The following ABCD4 variants were observed in gnomAD, a reference collection of about 807,000 sequenced individuals.
ABCD4 encodes the protein ATP binding cassette subfamily D member 4, also known as lysosomal cobalamin transporter ABCD4.
Under a neutral mutation model 86.3 loss-of-function variants are expected in ABCD4, and 53 were observed. That is an observed-to-expected ratio of 0.61 (90% confidence interval 0.49 to 0.77). The LOEUF (loss-of-function observed/expected upper bound fraction) is 0.77, where lower values mean the gene tolerates loss of function less well. Ranked by LOEUF, ABCD4 falls within the 30% of genes least tolerant of loss-of-function variation. ABCD4 has a pLI of 0.00. For synonymous variants in ABCD4, 328 were observed against 313.6 expected (o/e 1.05, Z -0.49); for missense variants, 757 against 764.5 (o/e 0.99, Z 0.12).
intron 11 of ABCD4, 24 bp downstream of exon 11, chr14:74,292,263 C>T: frequency 1.2e-6 from 2 of 1,612,278 alleles, no homozygotes; most frequent in Non-Finnish European, 1.7e-6. Flanking sequence ...GCCTCAACTA[C>T]TGCTCTGCCA....
intron 14 of ABCD4, 176 bp downstream of exon 14, chr14:74,289,307 G>A (rs917944667): frequency 3.6e-6 from 5 of 1,406,710 alleles, no homozygotes; most frequent in African/African-American, 2.9e-5. Context: ...AAAGAATGAG[G>A]TGAGATCTGG....
chr14:74,289,292 G>A, intron 14 of ABCD4, 191 bp downstream of exon 14: 1 of 1,400,156 alleles, frequency 7.1e-7, no homozygotes, highest in African/African-American at 1.5e-5. Flanking sequence ...TCTCCTTAAG[G>A]ACAGAAAGAA....
Position 74,285,635 on chromosome 14 carries a change from G to T in ABCD4, c.*826C>A, listed in dbSNP as rs1456996902. On this transcript the variant is annotated 3_prime_UTR_variant, in exon 19 of 19. Coordinates refer to ENST00000356924, the MANE Select transcript of ABCD4 (RefSeq NM_005050.4). Reference sequence around the variant, plus strand: ...GGCACTGGTCTGAGTGAGGACTTTGGGCACAGTAACTCCACCTCATGCTTT... The same window carrying T: ...GGCACTGGTCTGAGTGAGGACTTTGTGCACAGTAACTCCACCTCATGCTTT... 6.6e-6 allele frequency: 1 copy of T among 152,122 alleles called. No homozygotes were observed. Among genetic ancestry groups the T allele is most frequent in the Non-Finnish European group, 1.5e-5 (1 of 68,014 alleles). The allele number at this position is 152,122 out of a possible 1,614,324, so 9.4% of individuals were successfully genotyped here. A position where few individuals can be genotyped will look rare whatever the true frequency, so the allele number is the denominator to read the frequency against.
chr14:74,287,659 T>C (rs893770441), intron 17 of ABCD4, 151 bp downstream of exon 17: 2 of 705,588 alleles, frequency 2.8e-6, no homozygotes, highest in Admixed American at 2.2e-5. Flanking sequence ...CCAGGCACTG[T>C]TTACACGGGC....
In ABCD4 at chr14:74,290,350, G is replaced by C; in HGVS notation, c.1268C>G (p.Thr423Arg). 1 of 1,614,156 alleles carries C rather than the reference G, an allele frequency of 6.2e-7. No homozygotes were observed. The change falls in exon 12 of 19, where the codon ACG (threonine) becomes AGG (arginine). Residue 423 changes from threonine to arginine, a missense_variant. Thr to Arg is a moderately conservative substitution (Grantham distance 71, BLOSUM62 -1). Coordinates refer to ENST00000356924, the MANE Select transcript of ABCD4 (RefSeq NM_005050.4). The part of the protein sequence containing the change: ...EGQSLLITGN[T>R]GTGKTSLLRV... ...GAGCAAGGAGGTCTTGCCAGTGCCC[G>C]TGTTGCCTGTGATGAGCAGGCTCTG...
At chr14:74,288,980 C>A in intron 14 of ABCD4, 1 of 897,298 alleles carries the variant, frequency 1.1e-6, no homozygotes, top group African/African-American at 1.7e-5. Flanking sequence ...GGCAAGGTGG[C>A]GTGCACCTGT....
chr14:74,295,053 T>C (rs2082485189), intron 7 of ABCD4, 95 bp downstream of exon 7: 1 of 1,480,924 alleles, frequency 6.8e-7, no homozygotes, highest in African/African-American at 1.4e-5. Context: ...ACTCAGCCCC[T>C]GAGCTCGGTG....
chr14:74,286,533 CA>C lies in ABCD4; in HGVS notation c.1753-5del, dbSNP rs1566907079. The C allele has an allele frequency of 6.2e-7, 1 of 1,614,112 alleles. No homozygotes were observed. Among genetic ancestry groups the C allele is most frequent in the Non-Finnish European group, 8.5e-7 (1 of 1,180,046 alleles). On this transcript the variant is annotated splice_region_variant and splice_polypyrimidine_tract_variant and intron_variant, in intron 18 of 18. Coordinates refer to ENST00000356924, the MANE Select transcript of ABCD4 (RefSeq NM_005050.4). ...GTTTCAGAACCAAGGAATGAAACTACAAGAGACCACCACCACATGGAGATCA... is the reference window on the plus strand; with the variant it reads ...GTTTCAGAACCAAGGAATGAAACTACAGAGACCACCACCACATGGAGATCA...
intron 4 of ABCD4, 190 bp from the exon 5 acceptor site, chr14:74,296,639 G>A: frequency 1.7e-6 from 1 of 574,532 alleles, no homozygotes; most frequent in Non-Finnish European, 3.1e-6. Flanking sequence ...TTTAAACAGG[G>A]TTCTAGAGAG....
intron 1 of ABCD4, among the ~76,000 whole-genome samples, chr14:74,302,395 T>A (rs1175728519): frequency 6.6e-6 from 1 of 152,162 alleles, no homozygotes; most frequent in East Asian, 1.9e-4. Flanking sequence ...GATTTCAAAG[T>A]AACACTTGCA....
chr14:74,290,398 A>G lies in ABCD4; in HGVS notation c.1220T>C (p.Leu407Pro), dbSNP rs2081169090. ...PSSDKPLIKD[L>P]SLKISEGQSL... ...CTGTCCCTCGGAGATCTTTAGGCTC[A>G]GATCCTTGATTAGGGGTTTGTCAGA... The change falls in exon 12 of 19, where the codon CTG becomes CCG. Residue 407 changes from leucine to proline, a missense_variant. Coordinates refer to ENST00000356924, the MANE Select transcript of ABCD4 (RefSeq NM_005050.4). 5.0e-6 allele frequency: 8 copies of G among 1,614,176 alleles called. No individual in the cohort carries two copies. The highest frequency in any genetic ancestry group is 6.8e-6 in the Non-Finnish European group (8 of 1,180,036).
intron 6 of ABCD4, 54 bp from the exon 7 acceptor site, chr14:74,295,252 C>A: frequency 1.9e-6 from 3 of 1,601,104 alleles, no homozygotes; most frequent in Non-Finnish European, 2.6e-6. Flanking sequence ...TGGCCTCACT[C>A]TTGTTGGAGT....
chr14:74,297,310 T>G (rs1294350583), intron 4 of ABCD4: 1 of 152,280 alleles, frequency 6.6e-6, no homozygotes, highest in Non-Finnish European at 1.5e-5. Context: ...ATTATTGTCC[T>G]CATTTTACAG....
chr14:74,285,521 A>T lies in ABCD4; in HGVS notation c.*940T>A, dbSNP rs1355779917. 1 of 152,212 alleles carries T rather than the reference A, an allele frequency of 6.6e-6. No individual in the cohort carries two copies. The highest frequency in any genetic ancestry group is 1.5e-5 in the Non-Finnish European group (1 of 68,038). The allele number at this position is 152,212 out of a possible 1,614,324, so 9.4% of individuals were successfully genotyped here. A position where few individuals can be genotyped will look rare whatever the true frequency, so the allele number is the denominator to read the frequency against. ...AAACTTAAAAGGTTTGTTTTTAAAA[A>T]TATTAAGTAACTCAAGTACTAGAAG... is the stretch of plus-strand genomic sequence containing the variant. On this transcript the variant is annotated 3_prime_UTR_variant, in exon 19 of 19. Transcript: ENST00000356924.
In ABCD4 at chr14:74,302,934, T is replaced by C. The variant is rs754003784; in HGVS notation, c.-22A>G. 112 of 1,606,488 alleles carry C rather than the reference T, an allele frequency of 7.0e-5. No individual in the cohort carries two copies. The highest frequency in any genetic ancestry group is 9.1e-5 in the Non-Finnish European group (107 of 1,176,928). ...CCATGACCTGAGACCCGAGGGACTC[T>C]GGAGCCCAGCTGCCCCTAGTTCAGT... On this transcript the variant is annotated 5_prime_UTR_variant, in exon 1 of 19. Transcript: ENST00000356924.
Position 74,287,868 on chromosome 14 carries a change from C to T in ABCD4, c.1578G>A (p.Pro526=), listed in dbSNP as rs555792734. ...VDWNWYDVLS[P]GEMQRLSFAR... is the part of the protein sequence containing the mutation. The stretch of plus-strand genomic sequence containing the variant: ...CAAAGGAGAGCCGTTGCATCTCCCC[C>T]GGGGACAGAACATCATACCTGAGGA... The change falls in exon 17 of 19, where the codon CCG becomes CCA. Residue 526 remains proline (P), a synonymous_variant. Coordinates refer to ENST00000356924, the MANE Select transcript of ABCD4 (RefSeq NM_005050.4). 1.5e-5 allele frequency: 24 copies of T among 1,613,102 alleles called. No individual in the cohort carries two copies. Among genetic ancestry groups the T allele is most frequent in the African/African-American group, 5.3e-5 (4 of 75,020 alleles).
chr14:74,296,131 A>G (rs1296246043), intron 5 of ABCD4, 152 bp from the exon 6 acceptor site: 1 of 1,229,378 alleles, frequency 8.1e-7, no homozygotes, highest in Non-Finnish European at 1.1e-6. Flanking sequence ...GGCATCTGGT[A>G]TGAGCTCTCA....
chr14:74,299,484 C>G (rs1036079135), intron 3 of ABCD4, 64 bp downstream of exon 3: 16 of 1,589,480 alleles, frequency 1.0e-5, no homozygotes, highest in African/African-American at 2.7e-5. Context: ...CTAAGTTCCA[C>G]TAGGCATTAC....
rs767492476 is a variant in ABCD4 at position 74,290,500 on chromosome 14, CTG to C, written c.1119-3_1119-2del. On this transcript the variant is annotated splice_acceptor_variant and splice_polypyrimidine_tract_variant and intron_variant, in intron 11 of 18. Transcript: ENST00000356924. LOFTEE classifies it high-confidence loss of function. ...CTCTGCCGCTGGCCACCCTGGGGGTCTGTGTCAGAGAAGAGAGGGGGCGTGAG... is the reference window on the plus strand; with the variant it reads ...CTCTGCCGCTGGCCACCCTGGGGGTCTGTCAGAGAAGAGAGGGGGCGTGAG... The C allele has an allele frequency of 3.7e-6, 6 of 1,612,152 alleles. No homozygotes were observed. The Admixed American group carries it at 1.0e-4, about 27-fold the overall frequency.
Sources: gnomAD v4.1 joint callset for allele counts (sites outside exome capture counted in the v4.1 genomes callset) on GRCh38, gnomAD v4.1.1 for gene constraint, MANE v1.5 for transcripts, NCBI Gene and HGNC (gene_info 2026-07-23, HGNC 2026-07-21) for gene names.